Variants in SAMD5 observed in about 807,000 individuals in gnomAD.
The protein encoded by SAMD5 is sterile alpha motif domain containing 5, also known as sterile alpha motif domain-containing protein 5.
SAMD5 carries 13 observed loss-of-function variants against 11.3 expected under a neutral mutation model. That is an observed-to-expected ratio of 1.15 (90% CI 0.75 to 1.83). The LOEUF is 1.83. Ranked by LOEUF, SAMD5 falls within the 40% of genes most tolerant of loss-of-function variation. SAMD5 has a pLI of 0.00. For synonymous variants in SAMD5, 129 were observed against 111.3 expected (o/e 1.16, Z -1.00); for missense variants, 255 against 239.1 (o/e 1.07, Z -0.44).
chr6:147,512,744 C>T (rs1227080098), intron 1 of SAMD5, among the ~76,000 whole-genome samples: 1 of 152,028 alleles, frequency 6.6e-6, no homozygotes, highest in Non-Finnish European at 1.5e-5. Context: ...CTTCTCTATG[C>T]CAGGCCTTCT....
At chr6:147,891,745 G>A in the SAMD5 span, among the ~76,000 whole-genome samples, 14 of 152,100 alleles carry the variant, frequency 9.2e-5, no homozygotes, top group Middle Eastern at 3.4e-3. Flanking sequence ...CTCATCAGCT[G>A]TAAATACTCA....
the SAMD5 span, among the ~76,000 whole-genome samples, chr6:147,908,127 T>G: frequency 6.6e-6 from 1 of 152,220 alleles, no homozygotes; most frequent in Non-Finnish European, 1.5e-5. Flanking sequence ...TTTCCATTAT[T>G]TCTGCCCCTA....
chr6:147,568,793 A>T lies in SAMD5; in HGVS notation c.*4337A>T. 2.1e-6 allele frequency: 2 copies of T among 967,280 alleles called. No homozygotes were observed. Among genetic ancestry groups the T allele is most frequent in the Non-Finnish European group, 1.2e-6 (1 of 813,424 alleles). The allele number at this position is 967,280 out of a possible 1,614,324, so 59.9% of individuals were successfully genotyped here. On this transcript the variant is annotated 3_prime_UTR_variant, in exon 2 of 2. Transcript: ENST00000367474. ...ATATTTTACACTATCAGATTCTTTGATTAAAAAATCATCTTCAGCTTTACA... is the reference window on the plus strand; with the variant it reads ...ATATTTTACACTATCAGATTCTTTGTTTAAAAAATCATCTTCAGCTTTACA...
chr6:147,855,769 C>T, the SAMD5 span, among the ~76,000 whole-genome samples: 3 of 152,174 alleles, frequency 2.0e-5, no homozygotes, highest in South Asian at 6.2e-4. Context: ...GAATAAAAAG[C>T]ACAACCCAAC....
chr6:147,951,912 C>T, the SAMD5 span, among the ~76,000 whole-genome samples: 1 of 152,174 alleles, frequency 6.6e-6, no homozygotes, highest in Non-Finnish European at 1.5e-5. Context: ...ATTCCTGCCA[C>T]ATCGGGATAC....
the SAMD5 span, among the ~76,000 whole-genome samples, chr6:147,820,991 G>T: frequency 6.6e-6 from 1 of 152,182 alleles, no homozygotes; most frequent in Non-Finnish European, 1.5e-5. Flanking sequence ...CTTAATGTGT[G>T]AAGTTTTATT....
chr6:147,566,920 T>C lies in SAMD5; in HGVS notation c.*2464T>C. On this transcript the variant is annotated 3_prime_UTR_variant, in exon 2 of 2. Coordinates refer to ENST00000367474, the MANE Select transcript of SAMD5 (RefSeq NM_001030060.3). ...AGAAGGAGTAATTTTTTCAGCGTTT[T>C]TCCTCTGTATCTAAACACCAATAAT... is the stretch of plus-strand genomic sequence containing the variant. 1 of 916,984 alleles carries C rather than the reference T, an allele frequency of 1.1e-6. No homozygotes were observed. Among genetic ancestry groups the C allele is most frequent in the South Asian group, 5.0e-5 (1 of 19,902 alleles). The allele number at this position is 916,984 out of a possible 1,614,324, so 56.8% of individuals were successfully genotyped here.
chr6:147,931,332 T>C, the SAMD5 span, among the ~76,000 whole-genome samples: 33,364 of 152,154 alleles, frequency 0.22, 4,067 homozygotes, highest in South Asian at 0.44. Context: ...AATAAAATAA[T>C]ATCCCATCCT....
chr6:147,669,379 G>A (rs9377074), intron 1 of SAMD5, among the ~76,000 whole-genome samples: 11,438 of 147,638 alleles, frequency 0.077, 580 homozygotes, highest in South Asian at 0.2. Context: ...AAATTTAATC[G>A]TGAGCTTGTA....
At chr6:147,941,888 G>C in the SAMD5 span, among the ~76,000 whole-genome samples, 1 of 151,966 alleles carries the variant, frequency 6.6e-6, no homozygotes, top group Non-Finnish European at 1.5e-5. Flanking sequence ...GCTTTGTTTT[G>C]TTTGAGATGG....
the SAMD5 span, among the ~76,000 whole-genome samples, chr6:147,779,019 T>C: frequency 1.3e-5 from 2 of 151,040 alleles, no homozygotes; most frequent in African/African-American, 4.9e-5. Context: ...AAATCCTACC[T>C]CATCATGTGA....
At chr6:147,928,295 T>C in the SAMD5 span, among the ~76,000 whole-genome samples, 15 of 152,194 alleles carry the variant, frequency 9.9e-5, no homozygotes, top group East Asian at 2.9e-3. Context: ...GATCTTGGGC[T>C]TTTTTGGTTT....
chr6:147,587,990 G>C (rs1789399617), intron 1 of SAMD5, among the ~76,000 whole-genome samples: 2 of 152,282 alleles, frequency 1.3e-5, no homozygotes, highest in Admixed American at 6.5e-5. Context: ...TGGATCTACT[G>C]TTTCAACTTT....
the SAMD5 span, among the ~76,000 whole-genome samples, chr6:147,829,422 G>A: frequency 3.3e-5 from 5 of 152,128 alleles, no homozygotes; most frequent in African/African-American, 9.7e-5. Flanking sequence ...CGTAGTCTCA[G>A]TTTCAGTACC....
At chr6:147,610,962 C>T (rs371016606) in intron 1 of SAMD5, among the ~76,000 whole-genome samples, 26 of 151,818 alleles carry the variant, frequency 1.7e-4, no homozygotes, top group African/African-American at 6.0e-4. Flanking sequence ...CTCCGCCTCC[C>T]GAGTTCAAGC....
At position 147,632,404 on chromosome 6, in the gene SAMD5, G is replaced by A. The variant is rs1014259478; in HGVS notation, c.163-104913G>A. On this transcript the variant is annotated intron_variant, in intron 1 of 1. Coordinates refer to the SAMD5 transcript ENST00000566741. ...AGTCCTTTTGCAAGAGTGAGGGCTC[G>A]AGTTAAGGCAATGAGTTCGGCTTGC... Among the ~76,000 whole-genome samples the A allele has an allele frequency of 2.6e-5, 4 of 152,158 alleles. 1 individual carries two copies. Among genetic ancestry groups the A allele is most frequent in the Admixed American group, 1.3e-4 (2 of 15,272 alleles).
intron 1 of SAMD5, among the ~76,000 whole-genome samples, chr6:147,557,113 ATAATT>A (rs1251558941): frequency 2.0e-5 from 3 of 152,360 alleles, no homozygotes; most frequent in South Asian, 4.1e-4. Context: ...TTTTTCATAC[ATAATT>A]TAAAGTTTGC....
intron 1 of SAMD5, among the ~76,000 whole-genome samples, chr6:147,732,645 T>A (rs1341631118): frequency 6.6e-6 from 1 of 152,214 alleles, no homozygotes; most frequent in Non-Finnish European, 1.5e-5. Context: ...CAGATTTATT[T>A]TTGATGGCAT....
At position 147,659,231 on chromosome 6, in the gene SAMD5, TGGGAAACA is replaced by T. The variant is rs200280152; in HGVS notation, c.163-78082_163-78075del. On this transcript the variant is annotated intron_variant, in intron 1 of 1. Transcript: ENST00000566741. ...AATGAGTTTCCTAATCAAGTAAAAT[TGGGAAACA>T]GGGCATGTTCTCAGTACATTTAAAA... Among the ~76,000 whole-genome samples the T allele has an allele frequency of 4.6e-3, 705 of 151,622 alleles. 9 individuals are homozygous for T. The highest frequency in any genetic ancestry group is 0.016 in the African/African-American group (678 of 41,398).
Sources: allele counts gnomAD v4.1 joint callset (sites outside exome capture counted in the v4.1 genomes callset), GRCh38; gene constraint gnomAD v4.1.1; transcripts MANE v1.5; gene names NCBI Gene and HGNC (gene_info 2026-07-23, HGNC 2026-07-21).